Variants in TACC2 observed in about 807,000 individuals in gnomAD.
TACC2 encodes transforming acidic coiled-coil containing protein 2.
Under a neutral mutation model 227.3 loss-of-function variants are expected in TACC2, and 137 were observed. The observed-to-expected ratio is 0.60, with a 90% CI of 0.52 to 0.69. TACC2 has a LOEUF of 0.69. Ranked by LOEUF, TACC2 falls within the 30% of genes least tolerant of loss-of-function variation. The pLI is 0.00. For missense variants in TACC2, 3,470 were observed against 3,694.4 expected (o/e 0.94, Z 1.57); for synonymous variants, 1,523 against 1,487.5 (o/e 1.02, Z -0.55).
At chr10:121,992,757 C>A (rs947417867) in intron 1 of TACC2, among the ~76,000 whole-genome samples, 1 of 152,032 alleles carries the variant, frequency 6.6e-6, no homozygotes, top group African/African-American at 2.4e-5. Flanking sequence ...GAGTTTGAGA[C>A]CAGCCTGGGC....
chr10:122,061,913 G>T, intron 3 of TACC2, among the ~76,000 whole-genome samples: 1 of 151,890 alleles, frequency 6.6e-6, no homozygotes, highest in East Asian at 1.9e-4. Flanking sequence ...GAAGTAGAGG[G>T]TTATGGGGAA....
At chr10:122,040,334 G>A (rs2074097537) in intron 2 of TACC2, among the ~76,000 whole-genome samples, 1 of 152,148 alleles carries the variant, frequency 6.6e-6, no homozygotes, top group Admixed American at 6.5e-5. Flanking sequence ...AGAGGTGGTG[G>A]TGACGCTGTG....
intron 1 of TACC2, among the ~76,000 whole-genome samples, chr10:121,996,200 C>T (rs558254173): frequency 7.2e-5 from 11 of 152,190 alleles, no homozygotes; most frequent in South Asian, 4.1e-4. Flanking sequence ...ACCACAGGCA[C>T]GCACCACCAC....
At chr10:122,248,562 C>T in intron 19 of TACC2, 81 bp from the exon 20 acceptor site, 2 of 1,545,866 alleles carry the variant, frequency 1.3e-6, no homozygotes, top group Non-Finnish European at 1.8e-6. Flanking sequence ...GGCTGAGTTG[C>T]ATCTGAGGCC....
rs759412867 is a variant in TACC2 at position 122,083,032 on chromosome 10, C to A, written c.532C>A (p.Gln178Lys). ...AAVPSAGRER[Q>K]PKEEGQKSSF... ...CGTCCCCAGTGCTGGAAGAGAGAGA[C>A]AGCCGAAGGAAGAAGGACAGAAGTC... is the stretch of plus-strand genomic sequence containing the variant. Residue 178 changes from glutamine (Q) to lysine (K), a missense_variant, in exon 4 of 23, where the codon CAG becomes AAG. By Grantham distance (53) the Gln-to-Lys change is moderately conservative. This residue lies in a region of TACC2 where 405 missense variants were observed against 389.6 expected (regional missense o/e 1.04). Coordinates refer to ENST00000369005, the MANE Select transcript of TACC2 (RefSeq NM_206862.4). The A allele has an allele frequency of 6.2e-7, 1 of 1,612,502 alleles. No individual in the cohort carries two copies. Among genetic ancestry groups the A allele is most frequent in the Admixed American group, 1.7e-5 (1 of 60,012 alleles).
At chr10:122,110,147 G>A (rs1051077365) in intron 5 of TACC2, among the ~76,000 whole-genome samples, 7 of 152,174 alleles carry the variant, frequency 4.6e-5, no homozygotes, top group African/African-American at 1.7e-4. Context: ...CCCTGATGCA[G>A]AACCATAGCC....
chr10:122,046,341 G>C (rs2074996396), intron 2 of TACC2, among the ~76,000 whole-genome samples: 1 of 151,872 alleles, frequency 6.6e-6, no homozygotes, highest in Non-Finnish European at 1.5e-5. Flanking sequence ...GGGCGTGGTG[G>C]TGGGCGCCTG....
At chr10:122,105,937 T>TCG (rs2082722765) in intron 5 of TACC2, among the ~76,000 whole-genome samples, 1 of 83,728 alleles carries the variant, frequency 1.2e-5, no homozygotes, top group Admixed American at 1.2e-4. Flanking sequence ...ATAAACATTT[T>TCG]CTCTCTCTGT....
intron 3 of TACC2, among the ~76,000 whole-genome samples, chr10:122,054,165 A>G (rs996080322): frequency 1.3e-5 from 2 of 152,160 alleles, no homozygotes; most frequent in African/African-American, 2.4e-5. Flanking sequence ...AAGTTCTTCA[A>G]TAGGAAGAGT....
At chr10:122,125,277 C>T (rs1434968406) in intron 5 of TACC2, among the ~76,000 whole-genome samples, 1 of 152,046 alleles carries the variant, frequency 6.6e-6, no homozygotes, top group Non-Finnish European at 1.5e-5. Flanking sequence ...CTCACTGCAG[C>T]CTTGAACTCC....
chr10:122,043,131 A>G (rs2459075), intron 2 of TACC2, among the ~76,000 whole-genome samples: 125,732 of 152,144 alleles, frequency 0.83, 51,994 homozygotes, highest in Admixed American at 0.86. Context: ...ATGGATTTGG[A>G]TTTTCTGACC....
In TACC2 at chr10:122,194,099, C is replaced by G. The variant is rs182692074; in HGVS notation, c.5835-941C>G. 7.2e-4 allele frequency among the ~76,000 whole-genome samples: 109 copies of G among 152,144 alleles called. No homozygotes were observed. The highest frequency in any genetic ancestry group is 2.2e-3 in the African/African-American group (93 of 41,540). ...AGCCTGGGTAATTTTTTATTTTTAT[C>G]TTTTTATAGAAATAGGGCCTCACTG... On this transcript the variant is annotated intron_variant, in intron 7 of 22. Coordinates refer to ENST00000369005, the MANE Select transcript of TACC2 (RefSeq NM_206862.4). This position sits in a 1 kb window ranked among gnomAD's most constrained non-coding sequence, Gnocchi z 4.4.
chr10:122,146,527 T>G (rs1485877890), intron 7 of TACC2, among the ~76,000 whole-genome samples: 1 of 151,944 alleles, frequency 6.6e-6, no homozygotes, highest in South Asian at 2.1e-4. Flanking sequence ...GACTGGTGGC[T>G]TTATAAGAAG....
rs1330311429 is a variant in TACC2 at position 122,150,863 on chromosome 10, G to A, written c.5834+7157G>A. Among the ~76,000 whole-genome samples the A allele has an allele frequency of 1.3e-5, 2 of 152,230 alleles. No homozygotes were observed. Among genetic ancestry groups the A allele is most frequent in the Non-Finnish European group, 2.9e-5 (2 of 68,044 alleles). On this transcript the variant is annotated intron_variant, in intron 7 of 22. Transcript: ENST00000369005. The surrounding 1 kb of genome is among the most constrained non-coding windows in gnomAD (Gnocchi z 4.0). Reference sequence around the variant, plus strand: ...GATCCTGCCAGCCAGCCTCTCGGCAGATACATCCCGGTTGATTCTATGCCA... The same window carrying A: ...GATCCTGCCAGCCAGCCTCTCGGCAAATACATCCCGGTTGATTCTATGCCA...
chr10:122,228,034 TCA>T, intron 14 of TACC2, 26 bp downstream of exon 14: 3 of 1,605,598 alleles, frequency 1.9e-6, no homozygotes, highest in Non-Finnish European at 2.6e-6. Context: ...GGGCCCCAGA[TCA>T]CAGGGGATGA....
At chr10:122,253,766 T>G (rs1421085569) in intron 22 of TACC2, among the ~76,000 whole-genome samples, 1 of 152,242 alleles carries the variant, frequency 6.6e-6, no homozygotes, top group Non-Finnish European at 1.5e-5. Context: ...ACCTATGTTC[T>G]AGAGATAAGG....
At chr10:122,068,265 A>G (rs7915379) in intron 3 of TACC2, among the ~76,000 whole-genome samples, 3,812 of 152,264 alleles carry the variant, frequency 0.025, 86 homozygotes, top group African/African-American at 0.056. Flanking sequence ...AATTCTGGAA[A>G]AAAAGTCTTT....
chr10:122,241,592 A>AT (rs5788538), intron 18 of TACC2: 83,424 of 267,220 alleles, frequency 0.31, 13,460 homozygotes, highest in South Asian at 0.38. Flanking sequence ...TGCCTTATTA[A>AT]TTTTTTTTTC....
intron 1 of TACC2, among the ~76,000 whole-genome samples, chr10:122,000,481 C>T (rs181438592): frequency 3.9e-5 from 6 of 152,326 alleles, no homozygotes; most frequent in Admixed American, 1.3e-4. Context: ...TGACCTGATT[C>T]CAAAGCCCAC....
Sources: allele counts gnomAD v4.1 joint callset (sites outside exome capture counted in the v4.1 genomes callset), GRCh38; gene constraint gnomAD v4.1.1; regional missense constraint gnomAD v4.1.1; non-coding constraint Gnocchi (gnomAD v3.1); transcripts MANE v1.5; gene names NCBI Gene and HGNC (gene_info 2026-07-23, HGNC 2026-07-21).